Variants in RTN4RL1 observed in about 807,000 individuals in gnomAD.
RTN4RL1 encodes reticulon-4 receptor-like 1.
A neutral mutation model predicts 25.6 loss-of-function variants in RTN4RL1; 7 were observed. The ratio of observed to expected loss-of-function variants is 0.27; its 90% CI spans 0.16 to 0.51. The LOEUF (loss-of-function observed/expected upper bound fraction) is 0.51, where lower values mean the gene tolerates loss of function less well. Among genes scored for constraint, RTN4RL1 ranks in the 20% least tolerant of loss-of-function variants. The pLI is 0.97. For synonymous variants in RTN4RL1, 297 were observed against 288.2 expected (o/e 1.03, Z -0.31); for missense variants, 500 against 615.6 (o/e 0.81, Z 1.99).
At chr17:2,002,213 T>G (rs922305796) in intron 1 of RTN4RL1, among the ~76,000 whole-genome samples, 1 of 151,880 alleles carries the variant, frequency 6.6e-6, no homozygotes, top group Non-Finnish European at 1.5e-5. Context: ...TCCTTCTTTC[T>G]CTTTCTTTCC....
chr17:2,006,738 G>A (rs1173339859), intron 1 of RTN4RL1, among the ~76,000 whole-genome samples: 2 of 152,156 alleles, frequency 1.3e-5, no homozygotes, highest in Non-Finnish European at 2.9e-5. Context: ...CTTGTCCCTC[G>A]GCCTCCTGAG....
At chr17:1,966,596 G>C (rs1364604447) in intron 1 of RTN4RL1, among the ~76,000 whole-genome samples, 1 of 152,102 alleles carries the variant, frequency 6.6e-6, no homozygotes, top group Non-Finnish European at 1.5e-5. Flanking sequence ...GGCTGGGGAA[G>C]GGCAGTCTCT....
At chr17:1,968,746 C>A (rs948912179) in intron 1 of RTN4RL1, among the ~76,000 whole-genome samples, 3 of 152,230 alleles carry the variant, frequency 2.0e-5, no homozygotes, top group African/African-American at 7.2e-5. Flanking sequence ...CTCCTTCCCG[C>A]ACCTGCCTGG....
chr17:1,953,935 G>A (rs958323578), intron 1 of RTN4RL1, among the ~76,000 whole-genome samples: 8 of 152,344 alleles, frequency 5.3e-5, no homozygotes, highest in Admixed American at 2.6e-4. Context: ...GGGTGTGGCT[G>A]GACGAGCATG....
chr17:2,013,414 C>T (rs1245478018), intron 1 of RTN4RL1, among the ~76,000 whole-genome samples: 1 of 152,234 alleles, frequency 6.6e-6, no homozygotes, highest in Non-Finnish European at 1.5e-5. Context: ...GCTGCAAAGA[C>T]TTGCATTTCT....
In RTN4RL1 at chr17:1,936,852, C is replaced by A. The variant is rs1413573820; in HGVS notation, c.970G>T (p.Ala324Ser). ...GGTGAGTGGTGTTCCTTGCGGGCGG[C>A]CCTGTCGGTGGTGGTGAGCGTGTGT... ...KSHTLTTTDR[A>S]ARKEHHSPHG... Residue 324 changes from alanine to serine, a missense_variant, in exon 2 of 2, where the codon GCC (alanine) becomes TCC (serine). By Grantham distance (99) the Ala-to-Ser change is moderately conservative. This residue lies in a region of RTN4RL1 where 268 missense variants were observed against 274.5 expected (regional missense o/e 0.98). Coordinates refer to ENST00000331238, the MANE Select transcript of RTN4RL1 (RefSeq NM_178568.4). 1 of 1,588,178 alleles carries A rather than the reference C, an allele frequency of 6.3e-7. No homozygotes were observed. The highest frequency in any genetic ancestry group is 1.1e-5 in the South Asian group (1 of 87,434).
intron 1 of RTN4RL1, among the ~76,000 whole-genome samples, chr17:1,971,887 G>GCA (rs2066821455): frequency 1.4e-4 from 21 of 147,122 alleles, no homozygotes; most frequent in African/African-American, 5.1e-4. Flanking sequence ...GCATGAACCT[G>GCA]GGAGGCGGAG....
rs539291814 is a variant in RTN4RL1 at position 1,947,172 on chromosome 17, G to A, written c.14-9364C>T. 2.2e-3 allele frequency among the ~76,000 whole-genome samples: 336 copies of A among 150,238 alleles called. 3 individuals carry two copies. Among genetic ancestry groups the A allele is most frequent in the African/African-American group, 7.9e-3 (318 of 40,210 alleles). ...CTGTGTATGCACGGGGTCTGTGTGC[G>A]TCTCTGTGTGACTGTGTGTCTGTGT... On this transcript the variant is annotated intron_variant, in intron 1 of 1. Transcript: ENST00000331238.
intron 1 of RTN4RL1, among the ~76,000 whole-genome samples, chr17:1,944,239 G>A (rs1261025549): frequency 2.0e-5 from 3 of 151,778 alleles, no homozygotes; most frequent in East Asian, 2.0e-4. Context: ...GTGTCCCCAC[G>A]CTTGTGTGAG....
chr17:1,946,251 G>A (rs1214650568), intron 1 of RTN4RL1, among the ~76,000 whole-genome samples: 1 of 152,198 alleles, frequency 6.6e-6, no homozygotes, highest in African/African-American at 2.4e-5. Flanking sequence ...TTCAGGTCAG[G>A]CAAATCCAAG....
intron 1 of RTN4RL1, among the ~76,000 whole-genome samples, chr17:2,014,167 G>A (rs982966785): frequency 6.6e-6 from 1 of 152,216 alleles, no homozygotes; most frequent in Non-Finnish European, 1.5e-5. Context: ...CAACCCAGCT[G>A]GAAGTGGGAG....
chr17:2,005,024 G>A (rs2066983719), intron 1 of RTN4RL1, among the ~76,000 whole-genome samples: 1 of 152,126 alleles, frequency 6.6e-6, no homozygotes, highest in South Asian at 2.1e-4. Context: ...GTTTATTTTT[G>A]AGGCAGGGTC....
At chr17:1,991,526 C>G (rs1333605656) in intron 1 of RTN4RL1, among the ~76,000 whole-genome samples, 2 of 151,612 alleles carry the variant, frequency 1.3e-5, no homozygotes, top group African/African-American at 4.8e-5. Flanking sequence ...CTTTCCTCTC[C>G]CAGACCTCCA....
chr17:1,963,702 C>T (rs766066061), intron 1 of RTN4RL1, among the ~76,000 whole-genome samples: 7 of 152,182 alleles, frequency 4.6e-5, no homozygotes, highest in African/African-American at 1.7e-4. Context: ...CTCAAGCTTC[C>T]GGGTGCAATC....
At position 1,935,428 on chromosome 17, in the gene RTN4RL1, G is replaced by T. The variant is rs370640350; in HGVS notation, c.*1068C>A. On this transcript the variant is annotated 3_prime_UTR_variant, in exon 2 of 2. Coordinates refer to ENST00000331238, the MANE Select transcript of RTN4RL1 (RefSeq NM_178568.4). The stretch of plus-strand genomic sequence containing the variant: ...CTTGTGTTGCATATAAAAACAAGGT[G>T]ATGCTCTAAATATCTAAGAATATTG... The T allele has an allele frequency of 5.7e-5, 26 of 454,856 alleles. No homozygotes were observed. In the East Asian group the frequency reaches 2.8e-3, roughly 48 times the overall value. The allele number at this position is 454,856 out of a possible 1,614,324, so 28.2% of individuals were successfully genotyped here.
intron 1 of RTN4RL1, among the ~76,000 whole-genome samples, chr17:1,971,190 T>C (rs1445472212): frequency 6.6e-6 from 1 of 152,192 alleles, no homozygotes; most frequent in Non-Finnish European, 1.5e-5. Flanking sequence ...GTTCTCGTGA[T>C]AGTGAGGGAG....
At chr17:1,957,552 G>A (rs1915817214) in intron 1 of RTN4RL1, among the ~76,000 whole-genome samples, 1 of 152,114 alleles carries the variant, frequency 6.6e-6, no homozygotes, top group African/African-American at 2.4e-5. Context: ...ACAAAGTGAG[G>A]TGGCAGGGCC....
intron 1 of RTN4RL1, chr17:1,995,656 T>A (rs2066926407): frequency 6.6e-6 from 1 of 152,138 alleles, no homozygotes; most frequent in African/African-American, 2.4e-5. Flanking sequence ...TACCCCTGGA[T>A]CATTATCATC....
intron 1 of RTN4RL1, among the ~76,000 whole-genome samples, chr17:1,965,787 C>A (rs997455116): frequency 6.6e-6 from 1 of 152,166 alleles, no homozygotes; most frequent in African/African-American, 2.4e-5. Context: ...CCCATTTTTG[C>A]GGGAAGTCTA....
Sources: allele counts gnomAD v4.1 joint callset (sites outside exome capture counted in the v4.1 genomes callset), GRCh38; gene constraint gnomAD v4.1.1; regional missense constraint gnomAD v4.1.1; transcripts MANE v1.5; gene names NCBI Gene and HGNC (gene_info 2026-07-23, HGNC 2026-07-21).